Variants in SLC25A21 observed in about 807,000 individuals in gnomAD.
The protein encoded by SLC25A21 is mitochondrial 2-oxodicarboxylate carrier.
A neutral mutation model predicts 43.8 loss-of-function variants in SLC25A21; 47 were observed. That is an observed-to-expected ratio of 1.07 (90% CI 0.85 to 1.37). The LOEUF is 1.37. Among genes scored for constraint, SLC25A21 ranks in the 40% most tolerant of loss-of-function variants. The pLI, the probability that SLC25A21 is intolerant of heterozygous loss-of-function variation, is 0.00. For synonymous variants in SLC25A21, 131 were observed against 121.3 expected, an observed-to-expected ratio of 1.08 and a Z score of -0.52; for missense variants, 352 against 350.2, an observed-to-expected ratio of 1.00 and a Z score of -0.04.
intron 1 of SLC25A21, among the ~76,000 whole-genome samples, chr14:36,968,214 C>T (rs1190666080): frequency 1.3e-5 from 2 of 152,186 alleles, no homozygotes; most frequent in African/African-American, 4.8e-5. Flanking sequence ...CAAGCAAACT[C>T]TAAAGTCACT....
At chr14:36,843,747 CA>C (rs1161974997) in intron 2 of SLC25A21, among the ~76,000 whole-genome samples, 1 of 152,190 alleles carries the variant, frequency 6.6e-6, no homozygotes, top group Non-Finnish European at 1.5e-5. Context: ...ATTTCATTCA[CA>C]AAATTAGCAT....
intron 1 of SLC25A21, among the ~76,000 whole-genome samples, chr14:36,927,427 A>C (rs1213345013): frequency 6.6e-6 from 1 of 152,176 alleles, no homozygotes; most frequent in African/African-American, 2.4e-5. Context: ...CACTTCTAAG[A>C]GTCACCTCTA....
chr14:36,817,495 G>A (rs1207327249), intron 2 of SLC25A21, among the ~76,000 whole-genome samples: 1 of 152,128 alleles, frequency 6.6e-6, no homozygotes, highest in East Asian at 1.9e-4. Context: ...TTTCCTTTGG[G>A]AAAATGTTAC....
chr14:36,813,884 C>T, intron 3 of SLC25A21, 34 bp downstream of exon 3: 1 of 1,402,838 alleles, frequency 7.1e-7, no homozygotes, highest in East Asian at 2.3e-5. Context: ...TAAGTAGAAA[C>T]ATATTAAAAT....
chr14:36,775,178 A>G (rs1886778680), intron 3 of SLC25A21, among the ~76,000 whole-genome samples: 1 of 152,196 alleles, frequency 6.6e-6, no homozygotes, highest in African/African-American at 2.4e-5. Flanking sequence ...TTAGTCCCAT[A>G]GGACTTATAA....
chr14:36,871,129 C>T (rs1358463994), intron 2 of SLC25A21, among the ~76,000 whole-genome samples: 2 of 151,828 alleles, frequency 1.3e-5, no homozygotes, highest in South Asian at 4.2e-4. Flanking sequence ...CCCCTGCCCC[C>T]CCAAATCCAT....
intron 3 of SLC25A21, among the ~76,000 whole-genome samples, chr14:36,770,147 A>G (rs181786534): frequency 3.3e-5 from 5 of 152,210 alleles, no homozygotes; most frequent in African/African-American, 1.2e-4. Flanking sequence ...GGACTGGATA[A>G]AGAAAATGTG....
intron 1 of SLC25A21, among the ~76,000 whole-genome samples, chr14:37,057,481 C>T (rs902201200): frequency 6.6e-6 from 1 of 152,020 alleles, no homozygotes; most frequent in Non-Finnish European, 1.5e-5. Context: ...CTTTTCATAC[C>T]CTCAACCAAA....
intron 1 of SLC25A21, among the ~76,000 whole-genome samples, chr14:37,120,930 T>C (rs1963196081): frequency 6.6e-6 from 1 of 152,072 alleles, no homozygotes; most frequent in South Asian, 2.1e-4. Context: ...AAGGGGAAAA[T>C]TGAGAGAGCT....
intron 1 of SLC25A21, among the ~76,000 whole-genome samples, chr14:37,075,476 T>C (rs959820543): frequency 4.6e-5 from 7 of 152,300 alleles, no homozygotes; most frequent in African/African-American, 1.7e-4. Context: ...AAATAGAAAC[T>C]TCCATTTATG....
intron 1 of SLC25A21, among the ~76,000 whole-genome samples, chr14:36,958,411 T>C (rs2138670572): frequency 6.6e-6 from 1 of 152,352 alleles, no homozygotes; most frequent in South Asian, 2.1e-4. Flanking sequence ...AAAATTGTCC[T>C]GTTAAGAATC....
chr14:36,912,972 C>T (rs1439480357), intron 1 of SLC25A21, among the ~76,000 whole-genome samples: 1 of 152,136 alleles, frequency 6.6e-6, no homozygotes, highest in East Asian at 1.9e-4. Flanking sequence ...TTCCTCCAAC[C>T]TTTCTCCTTT....
chr14:36,932,039 G>A lies in SLC25A21; in HGVS notation c.71-57035C>T, dbSNP rs374790445. Among the ~76,000 whole-genome samples, 6 of 152,176 alleles carry A rather than the reference G, an allele frequency of 3.9e-5. No individual in the cohort carries two copies. In the East Asian group the frequency reaches 9.6e-4, roughly 24 times the overall value. ...TTTTGGATTATACCATGGATTCTCT[G>A]TGTGATCCCAAAGAGTCATTTAATC... On this transcript the variant is annotated intron_variant, in intron 1 of 9. Coordinates refer to ENST00000331299, the MANE Select transcript of SLC25A21 (RefSeq NM_030631.4).
intron 1 of SLC25A21, among the ~76,000 whole-genome samples, chr14:36,976,793 C>T (rs1177921278): frequency 1.3e-5 from 2 of 152,218 alleles, no homozygotes; most frequent in East Asian, 1.9e-4. Flanking sequence ...GCTCCTCTTG[C>T]TTTGCGGCCA....
chr14:36,996,696 GA>G (rs892570081), intron 1 of SLC25A21, among the ~76,000 whole-genome samples: 4 of 151,374 alleles, frequency 2.6e-5, no homozygotes, highest in South Asian at 2.1e-4. Flanking sequence ...AATAAATGGA[GA>G]AAAAAAAAGT....
chr14:37,092,047 A>G (rs1440368587), intron 1 of SLC25A21, among the ~76,000 whole-genome samples: 1 of 152,090 alleles, frequency 6.6e-6, no homozygotes, highest in Non-Finnish European at 1.5e-5. Flanking sequence ...GGATCATTTG[A>G]GCCTGGGATG....
At chr14:36,966,903 A>G (rs1959629508) in intron 1 of SLC25A21, among the ~76,000 whole-genome samples, 1 of 152,158 alleles carries the variant, frequency 6.6e-6, no homozygotes, top group Admixed American at 6.5e-5. Context: ...AAATCTCTGA[A>G]TTAGGCAGCA....
Position 36,680,012 on chromosome 14 carries a change from C to A in SLC25A21, c.*646G>T. ...TTTAAAATACCTATTTATTATCTTA[C>A]AGCAATATGAGATATAAAGTAGATG... On this transcript the variant is annotated 3_prime_UTR_variant, in exon 10 of 10. Coordinates refer to ENST00000331299, the MANE Select transcript of SLC25A21 (RefSeq NM_030631.4). The A allele has an allele frequency of 1.4e-6, 1 of 736,538 alleles. No homozygotes were observed. Among genetic ancestry groups the A allele is most frequent in the Non-Finnish European group, 1.6e-6 (1 of 609,712 alleles). 45.6% of individuals were successfully genotyped at this position (736,538 alleles called of 1,614,324 possible).
chr14:36,910,994 A>T (rs1891672327), intron 1 of SLC25A21, among the ~76,000 whole-genome samples: 1 of 152,206 alleles, frequency 6.6e-6, no homozygotes, highest in South Asian at 2.1e-4. Context: ...GATCAAAAGG[A>T]AATTAAACCC....
Sources: gnomAD v4.1 joint callset for allele counts (sites outside exome capture counted in the v4.1 genomes callset) on GRCh38, gnomAD v4.1.1 for gene constraint, MANE v1.5 for transcripts, NCBI Gene and HGNC (gene_info 2026-07-23, HGNC 2026-07-21) for gene names.